The following DGKE variants were observed in gnomAD, a reference collection of about 807,000 sequenced individuals.
DGKE encodes diacylglycerol kinase epsilon, also known as DAG kinase epsilon.
A neutral mutation model predicts 70.0 loss-of-function variants in DGKE; 53 were observed. That is an observed-to-expected ratio of 0.76 (90% CI 0.61 to 0.95). The LOEUF is 0.95. DGKE is among the 40% of genes least tolerant of loss of function. The pLI is 0.00. For synonymous variants in DGKE, 291 were observed against 257.0 expected (o/e 1.13, Z -1.27); for missense variants, 655 against 706.9 (o/e 0.93, Z 0.83).
intron 2 of DGKE, chr17:56,836,268 TGTTTTTAA>T (rs1292612467): frequency 3.9e-5 from 6 of 152,246 alleles, no homozygotes; most frequent in African/African-American, 1.4e-4. Context: ...TGTCAATACC[TGTTTTTAA>T]GTCTTATTTT....
intron 7 of DGKE, 147 bp downstream of exon 7, chr17:56,849,379 T>C (rs1907512705): frequency 1.5e-6 from 1 of 660,940 alleles, no homozygotes; most frequent in South Asian, 2.1e-5. Flanking sequence ...CCTCACAAGC[T>C]GGACTGTAAA....
intron 2 of DGKE, among the ~76,000 whole-genome samples, chr17:56,841,352 A>G (rs1190545315): frequency 6.6e-6 from 1 of 152,186 alleles, no homozygotes; most frequent in African/African-American, 2.4e-5. Flanking sequence ...AAGTAGATTA[A>G]AAAGACAATT....
At chr17:56,838,274 C>T (rs1330703646) in intron 2 of DGKE, among the ~76,000 whole-genome samples, 1 of 152,164 alleles carries the variant, frequency 6.6e-6, no homozygotes, top group Non-Finnish European at 1.5e-5. Flanking sequence ...AATTTTGTTT[C>T]TATATTCTAT....
chr17:56,866,235 A>G lies in DGKE; in HGVS notation c.*3444A>G, dbSNP rs1219212790. The G allele has an allele frequency of 6.6e-6, 1 of 152,190 alleles. No homozygotes were observed. Among genetic ancestry groups the G allele is most frequent in the East Asian group, 1.9e-4 (1 of 5,194 alleles). The allele number at this position is 152,190 out of a possible 1,614,324, so 9.4% of individuals were successfully genotyped here. A position where few individuals can be genotyped will look rare whatever the true frequency, so the allele number is the denominator to read the frequency against. ...TTCTTCAGAGTACGCGCTGCAGGCT[A>G]TCTGCAGCATCAGAATGCCTGGGCA... On this transcript the variant is annotated 3_prime_UTR_variant, in exon 12 of 12. Transcript: ENST00000284061.
Position 56,834,685 on chromosome 17 carries a change from C to T in DGKE, c.-18-93C>T, listed in dbSNP as rs1334619957. On this transcript the variant is annotated intron_variant, in intron 1 of 11. Coordinates refer to ENST00000284061, the MANE Select transcript of DGKE (RefSeq NM_003647.3). ...CCTCGGGAGAGCGGAGCCACCTTCACTGAGGGCGCCCGGTTTGGCCCCGGA... is the reference window on the plus strand; with the variant it reads ...CCTCGGGAGAGCGGAGCCACCTTCATTGAGGGCGCCCGGTTTGGCCCCGGA... The T allele has an allele frequency of 1.2e-5, 15 of 1,242,602 alleles. No homozygotes were observed. The East Asian group carries it at 2.8e-4, about 23-fold the overall frequency. The allele number at this position is 1,242,602 out of a possible 1,614,324, so 77.0% of individuals were successfully genotyped here.
intron 10 of DGKE, 62 bp downstream of exon 10, chr17:56,861,980 A>G: frequency 6.5e-7 from 1 of 1,548,854 alleles, no homozygotes. Context: ...TCTCTTGTTT[A>G]TAGACTTTAA....
At chr17:56,839,185 T>C (rs995084054) in intron 2 of DGKE, among the ~76,000 whole-genome samples, 5 of 152,184 alleles carry the variant, frequency 3.3e-5, no homozygotes, top group Admixed American at 3.3e-4. Context: ...CAAAAAAATA[T>C]GAATTTATAT....
In DGKE at chr17:56,865,608, T is replaced by G. The variant is rs1181242365; in HGVS notation, c.*2817T>G. 1.3e-5 allele frequency: 2 copies of G among 152,182 alleles called. No homozygotes were observed. 9.4% of individuals were successfully genotyped at this position (152,182 alleles called of 1,614,324 possible). ...TGTGAACCCCTAATGTAGCTAAGTT[T>G]ATACAAATTTTATAATCAAAATTAT... is the stretch of plus-strand genomic sequence containing the variant. On this transcript the variant is annotated 3_prime_UTR_variant, in exon 12 of 12. Coordinates refer to ENST00000284061, the MANE Select transcript of DGKE (RefSeq NM_003647.3).
chr17:56,836,680 C>T (rs1906642535), intron 2 of DGKE, among the ~76,000 whole-genome samples: 1 of 152,218 alleles, frequency 6.6e-6, no homozygotes. Flanking sequence ...AATTGCTCCC[C>T]ATCGGGTAAG....
chr17:56,854,984 C>CAAGT (rs2099550919), intron 7 of DGKE, among the ~76,000 whole-genome samples: 1 of 152,094 alleles, frequency 6.6e-6, no homozygotes, highest in Non-Finnish European at 1.5e-5. Context: ...TACATTCAAG[C>CAAGT]AAGTGTTTTG....
In DGKE at chr17:56,834,782, C is replaced by A. The variant is rs764475112; in HGVS notation, c.-14C>A. 6 of 1,585,526 alleles carry A rather than the reference C, an allele frequency of 3.8e-6. No homozygotes were observed. The South Asian group carries it at 4.6e-5, about 12-fold the overall frequency. On this transcript the variant is annotated 5_prime_UTR_variant, in exon 2 of 12. Transcript: ENST00000284061. ...GCCTGTTTCTTTTCTGGTTAGGTAT[C>A]GTCCTTGGAGAAGATGGAAGCGGAG...
At chr17:56,849,106 C>T (rs1907491455) in intron 6 of DGKE, 75 bp from the exon 7 acceptor site, 2 of 1,431,088 alleles carry the variant, frequency 1.4e-6, no homozygotes, top group Non-Finnish European at 1.9e-6. Context: ...TAATAGAAAA[C>T]CCTCATTTAT....
At chr17:56,840,456 A>G (rs1906905324) in intron 2 of DGKE, among the ~76,000 whole-genome samples, 1 of 151,778 alleles carries the variant, frequency 6.6e-6, no homozygotes, top group South Asian at 2.1e-4. Context: ...GCTCACTGCT[A>G]CCTCTACCTC....
chr17:56,863,959 C>A lies in DGKE; in HGVS notation c.*1168C>A, dbSNP rs1464965613. The A allele has an allele frequency of 6.6e-6, 1 of 152,180 alleles. No homozygotes were observed. Among genetic ancestry groups the A allele is most frequent in the Non-Finnish European group, 1.5e-5 (1 of 68,040 alleles). 9.4% of individuals were successfully genotyped at this position (152,180 alleles called of 1,614,324 possible). A position where few individuals can be genotyped will look rare whatever the true frequency, so the allele number is the denominator to read the frequency against. ...TATTAATTAAAATTCTAATTTAATT[C>A]TCCTGACAGAAATCTAGATATTCTT... On this transcript the variant is annotated 3_prime_UTR_variant, in exon 12 of 12. Transcript: ENST00000284061.
chr17:56,856,776 CTTT>C, intron 8 of DGKE, 151 bp downstream of exon 8: 3 of 789,338 alleles, frequency 3.8e-6, no homozygotes, highest in Non-Finnish European at 5.3e-6. Flanking sequence ...CAAATTAGAT[CTTT>C]TTTTTTTTTA....
Position 56,869,293 on chromosome 17 carries a change from A to G in DGKE, c.*6502A>G, listed in dbSNP as rs974980464. On this transcript the variant is annotated 3_prime_UTR_variant, in exon 12 of 12. Coordinates refer to ENST00000284061, the MANE Select transcript of DGKE (RefSeq NM_003647.3). ...AGTATTGGTTGGCAACTAATTGACT[A>G]TCGTCTACCATAAGGTTATATGATA... is the stretch of plus-strand genomic sequence containing the variant. 1.3e-5 allele frequency: 2 copies of G among 152,262 alleles called. No individual in the cohort carries two copies. Among genetic ancestry groups the G allele is most frequent in the African/African-American group, 2.4e-5 (1 of 41,472 alleles). 9.4% of individuals were successfully genotyped at this position (152,262 alleles called of 1,614,324 possible).
At chr17:56,851,411 CA>C (rs1224062175) in intron 7 of DGKE, among the ~76,000 whole-genome samples, 2 of 152,198 alleles carry the variant, frequency 1.3e-5, no homozygotes, top group Non-Finnish European at 2.9e-5. Context: ...TTCATCCACT[CA>C]ACTTCAAGAA....
chr17:56,861,803 G>A lies in DGKE; in HGVS notation c.1297G>A (p.Gly433Ser). 1 of 1,612,730 alleles carries A rather than the reference G, an allele frequency of 6.2e-7. No individual in the cohort carries two copies. Among genetic ancestry groups the A allele is most frequent in the Non-Finnish European group, 8.5e-7 (1 of 1,179,738 alleles). The change falls in exon 10 of 12, where the codon GGT becomes AGT. Residue 433 changes from glycine (G) to serine (S), a missense_variant. Transcript: ENST00000284061. ...TATTTCTTTAAAGCTAGAACTGGAT[G>A]GTGAGCGAGTAGCACTGCCCAGCTT... ...LNKKVELELDGERVALPSLEG... is the reference protein window; with the variant it reads ...LNKKVELELDSERVALPSLEG...
rs1449157886 is a variant in DGKE at position 56,834,767 on chromosome 17, T to C, written c.-18-11T>C. The C allele has an allele frequency of 1.3e-5, 20 of 1,558,786 alleles. No homozygotes were observed. Among genetic ancestry groups the C allele is most frequent in the South Asian group, 2.4e-5 (2 of 84,928 alleles). ...AGCTCGGGGTGCACCGCCTGTTTCT[T>C]TTCTGGTTAGGTATCGTCCTTGGAG... On this transcript the variant is annotated splice_polypyrimidine_tract_variant and intron_variant, in intron 1 of 11. Transcript: ENST00000284061.
Sources: gnomAD v4.1 joint callset for allele counts (sites outside exome capture counted in the v4.1 genomes callset) on GRCh38, gnomAD v4.1.1 for gene constraint, MANE v1.5 for transcripts, NCBI Gene and HGNC (gene_info 2026-07-23, HGNC 2026-07-21) for gene names.